ZNF428: variants seen among roughly 807,000 people sequenced by gnomAD.
ZNF428 encodes zinc finger protein 428, also known as enzyme-like protein PIT13.
A neutral mutation model predicts 15.6 loss-of-function variants in ZNF428; 5 were observed. That is an observed-to-expected ratio of 0.32 (90% CI 0.17 to 0.67). The LOEUF (loss-of-function observed/expected upper bound fraction) is 0.67, where lower values mean the gene tolerates loss of function less well. Among genes scored for constraint, ZNF428 ranks in the 30% least tolerant of loss-of-function variants. The pLI is 0.73. For missense variants in ZNF428, 237 were observed against 256.0 expected (o/e 0.93, Z 0.51); for synonymous variants, 97 against 102.2 (o/e 0.95, Z 0.31).
Position 43,614,426 on chromosome 19 carries a change from A to C in ZNF428, c.-122T>G. On this transcript the variant is annotated 5_prime_UTR_variant, in exon 2 of 3. Transcript: ENST00000300811. ...TCTAATACAGGATGTTGGCAGGTAG[A>C]GAGGGATGCTGGATAGGGGGAAAGG... is the stretch of plus-strand genomic sequence containing the variant. 6.8e-7 allele frequency: 1 copy of C among 1,460,190 alleles called. No homozygotes were observed. The highest frequency in any genetic ancestry group is 1.4e-5 in the African/African-American group (1 of 70,376). The allele number at this position is 1,460,190 out of a possible 1,614,324, so 90.5% of individuals were successfully genotyped here. A position where few individuals can be genotyped will look rare whatever the true frequency, so the allele number is the denominator to read the frequency against.
chr19:43,617,698 T>C (rs113468020), intron 1 of ZNF428, among the ~76,000 whole-genome samples: 1 of 152,190 alleles, frequency 6.6e-6, no homozygotes, highest in Non-Finnish European at 1.5e-5. Flanking sequence ...CAATTAATTT[T>C]TTTGTTTGTT....
chr19:43,608,435 C>G, intron 2 of ZNF428: 1 of 248,544 alleles, frequency 4.0e-6, no homozygotes, highest in Non-Finnish European at 7.7e-6. Flanking sequence ...TTGAGACCAG[C>G]CTGGGCAATA....
chr19:43,612,360 G>A lies in ZNF428; in HGVS notation c.76+1869C>T, dbSNP rs1489977847. 6.4e-7 allele frequency: 1 copy of A among 1,551,712 alleles called. No individual in the cohort carries two copies. Among genetic ancestry groups the A allele is most frequent in the Non-Finnish European group, 8.7e-7 (1 of 1,146,998 alleles). ...AGAGCCCCTTCTAACCGGCCCAGCA[G>A]CAGGTCCCGAGTCCGCAGCAAAGCA... On this transcript the variant is annotated intron_variant, in intron 2 of 2. Coordinates refer to ENST00000300811, the MANE Select transcript of ZNF428 (RefSeq NM_182498.4). This position sits in a 1 kb window ranked among gnomAD's most constrained non-coding sequence, Gnocchi z 4.2.
At position 43,612,580 on chromosome 19, in the gene ZNF428, C is replaced by T; in HGVS notation, c.76+1649G>A. The T allele has an allele frequency of 1.3e-6, 2 of 1,551,272 alleles. No homozygotes were observed. The highest frequency in any genetic ancestry group is 1.7e-6 in the Non-Finnish European group (2 of 1,146,880). ...TAAGAACTCATGGTGCCAGACCAGGCATGGCCAGCAGGGTGAGAACTCCCA... is the reference window on the plus strand; with the variant it reads ...TAAGAACTCATGGTGCCAGACCAGGTATGGCCAGCAGGGTGAGAACTCCCA... On this transcript the variant is annotated intron_variant, in intron 2 of 2. Transcript: ENST00000300811. The surrounding 1 kb of genome is among the most constrained non-coding windows in gnomAD (Gnocchi z 4.2).
rs1325033896 is a variant in ZNF428 at position 43,612,762 on chromosome 19, C to T, written c.76+1467G>A. 1 of 1,551,612 alleles carries T rather than the reference C, an allele frequency of 6.4e-7. No homozygotes were observed. The highest frequency in any genetic ancestry group is 1.2e-5 in the South Asian group (1 of 84,058). ...AGGAGTTCCGAGCTGGCTGTAACTC[C>T]CAGTACAGCCAAGTGTCAAACCCCG... On this transcript the variant is annotated intron_variant, in intron 2 of 2. Transcript: ENST00000300811. This position sits in a 1 kb window ranked among gnomAD's most constrained non-coding sequence, Gnocchi z 4.2.
rs1255451410 is a variant in ZNF428 at position 43,612,990 on chromosome 19, CAAG to C, written c.76+1236_76+1238del. 11 of 1,551,432 alleles carry C rather than the reference CAAG, an allele frequency of 7.1e-6. No individual in the cohort carries two copies. In the Admixed American group the frequency reaches 2.2e-4, roughly 30 times the overall value. On this transcript the variant is annotated intron_variant, in intron 2 of 2. Coordinates refer to ENST00000300811, the MANE Select transcript of ZNF428 (RefSeq NM_182498.4). The surrounding 1 kb of genome is among the most constrained non-coding windows in gnomAD (Gnocchi z 4.2). ...AGCCAATCTAGAAGCCCCAGAAGGTCAAGAAGTGGCAGTCAGAAGAGGACGCAC... is the reference window on the plus strand; with the variant it reads ...AGCCAATCTAGAAGCCCCAGAAGGTCAAGTGGCAGTCAGAAGAGGACGCAC...
chr19:43,613,033 T>A (rs1413680570), intron 2 of ZNF428: 2 of 1,551,344 alleles, frequency 1.3e-6, no homozygotes, highest in African/African-American at 2.7e-5. Flanking sequence ...GAGTGAGAAG[T>A]CACAGTTGGA....
Position 43,612,750 on chromosome 19 carries a change from T to C in ZNF428, c.76+1479A>G, listed in dbSNP as rs988904857. On this transcript the variant is annotated intron_variant, in intron 2 of 2. Coordinates refer to ENST00000300811, the MANE Select transcript of ZNF428 (RefSeq NM_182498.4). The surrounding 1 kb of genome is among the most constrained non-coding windows in gnomAD (Gnocchi z 4.2). ...TCAGGTATAGGGAGGAGTTCCGAGCTGGCTGTAACTCCCAGTACAGCCAAG... is the reference window on the plus strand; with the variant it reads ...TCAGGTATAGGGAGGAGTTCCGAGCCGGCTGTAACTCCCAGTACAGCCAAG... The C allele has an allele frequency of 3.2e-5, 50 of 1,551,512 alleles. No individual in the cohort carries two copies. Among genetic ancestry groups the C allele is most frequent in the Non-Finnish European group, 4.2e-5 (48 of 1,146,982 alleles).
chr19:43,609,694 A>G (rs1973275433), intron 2 of ZNF428, among the ~76,000 whole-genome samples: 1 of 151,850 alleles, frequency 6.6e-6, no homozygotes, highest in South Asian at 2.1e-4. Context: ...ATGAGCCAAT[A>G]TTGAACCACT....
chr19:43,607,810 G>A lies in ZNF428; in HGVS notation c.374C>T (p.Ala125Val). The change falls in exon 3 of 3, where the codon GCC becomes GTC. Residue 125 changes from alanine (A) to valine (V), a missense_variant. Ala to Val is a moderately conservative substitution (Grantham distance 64, BLOSUM62 0). Coordinates refer to ENST00000300811, the MANE Select transcript of ZNF428 (RefSeq NM_182498.4). This position sits in a 1 kb window ranked among gnomAD's most constrained non-coding sequence, Gnocchi z 5.1. ...CTCCCCGAGGGCCCTGCCTTCAGGG[G>A]CTGGTGCTTCCTGGGGGGCTGTAGC... ...CPATAPQEAPAPEGRALGEEE... is the reference protein window; with the variant it reads ...CPATAPQEAPVPEGRALGEEE... The A allele has an allele frequency of 6.4e-7, 1 of 1,574,244 alleles. No individual in the cohort carries two copies. Among genetic ancestry groups the A allele is most frequent in the East Asian group, 2.4e-5 (1 of 42,484 alleles).
chr19:43,613,266 G>A (rs1383223140), intron 2 of ZNF428: 1 of 1,551,650 alleles, frequency 6.4e-7, no homozygotes. Context: ...GGATCTAGCA[G>A]CCCCAGGAAG....
chr19:43,618,433 T>G (rs1239078920), intron 1 of ZNF428, among the ~76,000 whole-genome samples: 1 of 152,000 alleles, frequency 6.6e-6, no homozygotes, highest in Non-Finnish European at 1.5e-5. Context: ...CCTTAACTCA[T>G]GTACTCCCCC....
chr19:43,612,697 C>T lies in ZNF428; in HGVS notation c.76+1532G>A, dbSNP rs1300959020. 12 of 1,551,430 alleles carry T rather than the reference C, an allele frequency of 7.7e-6. No individual in the cohort carries two copies. The highest frequency in any genetic ancestry group is 1.0e-5 in the Non-Finnish European group (12 of 1,146,992). Reference sequence around the variant, plus strand: ...GTGACAGCCAGCCTAGAAATCTGAGCAAGAAGAGTTACCGCCCACCAGGAG... The same window carrying T: ...GTGACAGCCAGCCTAGAAATCTGAGTAAGAAGAGTTACCGCCCACCAGGAG... On this transcript the variant is annotated intron_variant, in intron 2 of 2. Transcript: ENST00000300811. This position sits in a 1 kb window ranked among gnomAD's most constrained non-coding sequence, Gnocchi z 4.2.
chr19:43,612,006 G>T lies in ZNF428; in HGVS notation c.76+2223C>A. On this transcript the variant is annotated intron_variant, in intron 2 of 2. Coordinates refer to ENST00000300811, the MANE Select transcript of ZNF428 (RefSeq NM_182498.4). The surrounding 1 kb of genome is among the most constrained non-coding windows in gnomAD (Gnocchi z 4.2). ...CCACTCACCCTCCAGAGTCTTCAAT[G>T]CCCACTATTACTTCACACAGTTGGC... 1.3e-6 allele frequency: 1 copy of T among 772,848 alleles called. No individual in the cohort carries two copies. Among genetic ancestry groups the T allele is most frequent in the Non-Finnish European group, 2.1e-6 (1 of 465,676 alleles). The allele number at this position is 772,848 out of a possible 1,614,324, so 47.9% of individuals were successfully genotyped here. A position where few individuals can be genotyped will look rare whatever the true frequency, so the allele number is the denominator to read the frequency against.
Position 43,607,457 on chromosome 19 carries a change from T to C in ZNF428, c.*160A>G. The C allele has an allele frequency of 1.2e-6, 1 of 866,332 alleles. No homozygotes were observed. Among genetic ancestry groups the C allele is most frequent in the South Asian group, 1.9e-5 (1 of 53,694 alleles). 53.7% of individuals were successfully genotyped at this position (866,332 alleles called of 1,614,324 possible). A position where few individuals can be genotyped will look rare whatever the true frequency, so the allele number is the denominator to read the frequency against. On this transcript the variant is annotated 3_prime_UTR_variant, in exon 3 of 3. Coordinates refer to ENST00000300811, the MANE Select transcript of ZNF428 (RefSeq NM_182498.4). This position sits in a 1 kb window ranked among gnomAD's most constrained non-coding sequence, Gnocchi z 5.1. ...CACACTCTGAACCAACACACACAGA[T>C]ACAGATTTTGGCTTTTATTCTGGCC...
chr19:43,608,394 C>T, intron 2 of ZNF428: 1 of 325,052 alleles, frequency 3.1e-6, no homozygotes, highest in Non-Finnish European at 5.6e-6. Flanking sequence ...TTTGGGTGGC[C>T]AAGGTGGGAA....
rs2146117894 is a variant in ZNF428 at position 43,612,782 on chromosome 19, A to G, written c.76+1447T>C. The G allele has an allele frequency of 6.4e-7, 1 of 1,551,608 alleles. No homozygotes were observed. The highest frequency in any genetic ancestry group is 8.7e-7 in the Non-Finnish European group (1 of 1,146,954). On this transcript the variant is annotated intron_variant, in intron 2 of 2. Coordinates refer to ENST00000300811, the MANE Select transcript of ZNF428 (RefSeq NM_182498.4). The surrounding 1 kb of genome is among the most constrained non-coding windows in gnomAD (Gnocchi z 4.2). ...AACTCCCAGTACAGCCAAGTGTCAA[A>G]CCCCGACTGGAATTCCCTCCAAGGA...
rs748877856 is a variant in ZNF428 at position 43,608,028 on chromosome 19, TTCCTCC to T, written c.150_155del (p.Glu53_Glu54del). On this transcript the variant is annotated inframe_deletion, in exon 3 of 3. Coordinates refer to ENST00000300811, the MANE Select transcript of ZNF428 (RefSeq NM_182498.4). ...ATTCAGGATCGTCAGTGGTCTCCTC[TTCCTCC>T]TCCTCCTCATCTTCTTCCTCTTCGG... 8.1e-6 allele frequency: 13 copies of T among 1,613,578 alleles called. No homozygotes were observed. Among genetic ancestry groups the T allele is most frequent in the South Asian group, 6.6e-5 (6 of 91,086 alleles).
chr19:43,612,807 AGAAG>A lies in ZNF428; in HGVS notation c.76+1418_76+1421del. ...ACCCCGACTGGAATTCCCTCCAAGGAGAAGAGTGACAACCCATCTCCATCCTCAT... is the reference window on the plus strand; with the variant it reads ...ACCCCGACTGGAATTCCCTCCAAGGAAGTGACAACCCATCTCCATCCTCAT... On this transcript the variant is annotated intron_variant, in intron 2 of 2. Transcript: ENST00000300811. The surrounding 1 kb of genome is among the most constrained non-coding windows in gnomAD (Gnocchi z 4.2). 1.2e-5 allele frequency: 18 copies of A among 1,551,606 alleles called. No individual in the cohort carries two copies. The highest frequency in any genetic ancestry group is 1.6e-5 in the Non-Finnish European group (18 of 1,146,952).
Sources: gnomAD v4.1 joint callset for allele counts (sites outside exome capture counted in the v4.1 genomes callset) on GRCh38, gnomAD v4.1.1 for gene constraint, Gnocchi (gnomAD v3.1) non-coding constraint, MANE v1.5 for transcripts, NCBI Gene and HGNC (gene_info 2026-07-23, HGNC 2026-07-21) for gene names.